ZNF827: variants seen among roughly 807,000 people sequenced by gnomAD.
ZNF827 encodes the protein zinc finger protein 827.
Under a neutral mutation model 102.4 loss-of-function variants are expected in ZNF827, and 13 were observed. The ratio of observed to expected loss-of-function variants is 0.13; its 90% CI spans 0.08 to 0.20. The LOEUF is 0.20. Ranked by LOEUF, ZNF827 falls within the 10% of genes least tolerant of loss-of-function variation. The probability of loss-of-function intolerance (pLI) is 1.00; values close to 1 mark genes in which losing one functional copy is unlikely to be tolerated. For synonymous variants in ZNF827, 523 were observed against 536.2 expected, an observed-to-expected ratio of 0.98 and a Z score of 0.34; for missense variants, 1,103 against 1,344.4, an observed-to-expected ratio of 0.82 and a Z score of 2.81.
At chr4:145,791,555 TA>T in intron 8 of ZNF827, among the ~76,000 whole-genome samples, 1 of 152,336 alleles carries the variant, frequency 6.6e-6, no homozygotes, top group African/African-American at 2.4e-5. Context: ...ATAAGTAGCA[TA>T]GTTGGCAAAT....
At chr4:145,886,180 T>A (rs774609523) in intron 3 of ZNF827, 22 bp from the exon 4 acceptor site, 8 of 1,562,524 alleles carry the variant, frequency 5.1e-6, no homozygotes, top group Admixed American at 1.9e-5. Context: ...GCAAGAAGAA[T>A]GAGCTAGCCA....
At chr4:145,920,286 A>G (rs1579572962) in intron 1 of ZNF827, among the ~76,000 whole-genome samples, 1 of 152,374 alleles carries the variant, frequency 6.6e-6, no homozygotes, top group East Asian at 1.9e-4. Flanking sequence ...TGGAATCCAG[A>G]TGCAGAATAT....
intron 1 of ZNF827, among the ~76,000 whole-genome samples, chr4:145,923,720 G>A (rs1753236059): frequency 6.6e-6 from 1 of 152,096 alleles, no homozygotes; most frequent in Non-Finnish European, 1.5e-5. Context: ...AATCTCTTTT[G>A]GAAAATATAT....
At position 145,902,135 on chromosome 4, in the gene ZNF827, T is replaced by TA. The variant is rs1751464504; in HGVS notation, c.1093+30dup. Reference sequence around the variant, plus strand: ...ATCGCAGTTTATAGTCTAAAGGACTTACACGATGATTGAAAGAAAAGATGC... The same window carrying TA: ...ATCGCAGTTTATAGTCTAAAGGACTTAACACGATGATTGAAAGAAAAGATGC... On this transcript the variant is annotated intron_variant, in intron 2 of 14. Transcript: ENST00000508784. This position sits in a 1 kb window ranked among gnomAD's most constrained non-coding sequence, Gnocchi z 4.3. 6.4e-7 allele frequency: 1 copy of TA among 1,557,152 alleles called. No individual in the cohort carries two copies. Among genetic ancestry groups the TA allele is most frequent in the Non-Finnish European group, 8.6e-7 (1 of 1,157,408 alleles).
At chr4:145,925,860 C>T (rs914517329) in intron 1 of ZNF827, among the ~76,000 whole-genome samples, 9 of 152,194 alleles carry the variant, frequency 5.9e-5, no homozygotes, top group Admixed American at 2.0e-4. Context: ...TCACCCCCAA[C>T]GGGTGGTTGA....
chr4:145,931,893 C>T (rs1467259734), intron 1 of ZNF827, among the ~76,000 whole-genome samples: 1 of 152,208 alleles, frequency 6.6e-6, no homozygotes, highest in East Asian at 1.9e-4. Context: ...CCTTGTGCTG[C>T]AGTCTGAATG....
intron 7 of ZNF827, among the ~76,000 whole-genome samples, chr4:145,840,989 T>C (rs544655204): frequency 6.6e-6 from 1 of 152,354 alleles, no homozygotes; most frequent in East Asian, 1.9e-4. Context: ...CTTTCTCTGA[T>C]TTTCCCACTT....
chr4:145,863,913 G>T (rs750477916), intron 5 of ZNF827, among the ~76,000 whole-genome samples: 13 of 152,258 alleles, frequency 8.5e-5, no homozygotes, highest in Non-Finnish European at 1.8e-4. Context: ...ATAAAGATGG[G>T]CCAGGCGCAG....
intron 2 of ZNF827, among the ~76,000 whole-genome samples, chr4:145,898,865 G>T (rs143552997): frequency 6.6e-6 from 1 of 152,294 alleles, no homozygotes; most frequent in East Asian, 1.9e-4. Context: ...AGAAATGGTG[G>T]TGTCTAAATT....
intron 7 of ZNF827, chr4:145,839,713 TG>T (rs1485710321): frequency 6.6e-6 from 1 of 152,260 alleles, no homozygotes; most frequent in African/African-American, 2.4e-5. Context: ...TTGCATAACC[TG>T]CCAAAGGCAG....
At chr4:145,775,669 G>A (rs1560905332) in intron 10 of ZNF827, 120 bp downstream of exon 10, 4 of 1,243,924 alleles carry the variant, frequency 3.2e-6, no homozygotes, top group Middle Eastern at 2.9e-4. Context: ...TTACTCAAAT[G>A]AAGGCCAGGC....
intron 1 of ZNF827, among the ~76,000 whole-genome samples, chr4:145,937,920 C>G (rs1754338950): frequency 6.6e-6 from 1 of 151,244 alleles, no homozygotes. Context: ...CCCCCGCACC[C>G]TCAGGCGCCG....
chr4:145,844,917 C>A (rs746199989), intron 7 of ZNF827, among the ~76,000 whole-genome samples: 1 of 152,158 alleles, frequency 6.6e-6, no homozygotes, highest in Admixed American at 6.5e-5. Context: ...TATCTTGTAC[C>A]TTTTGTTGCA....
At chr4:145,896,288 G>C (rs7655029) in intron 2 of ZNF827, among the ~76,000 whole-genome samples, 110 of 152,334 alleles carry the variant, frequency 7.2e-4, no homozygotes, top group African/African-American at 2.5e-3. Flanking sequence ...TTGGCCCAAC[G>C]TTGTAGTTTG....
At chr4:145,784,638 T>C (rs1397885915) in intron 8 of ZNF827, among the ~76,000 whole-genome samples, 1 of 152,224 alleles carries the variant, frequency 6.6e-6, no homozygotes, top group African/African-American at 2.4e-5. Flanking sequence ...TGAAGCATAA[T>C]ATTTGTAAAA....
At chr4:145,779,854 G>C (rs140446930) in intron 8 of ZNF827, among the ~76,000 whole-genome samples, 49 of 152,354 alleles carry the variant, frequency 3.2e-4, no homozygotes, top group Non-Finnish European at 6.6e-4. Context: ...TGAGTTGCAT[G>C]TTAAAATTCC....
At chr4:145,813,509 GAAT>G (rs59758759) in intron 8 of ZNF827, among the ~76,000 whole-genome samples, 22,066 of 152,076 alleles carry the variant, frequency 0.15, 2,374 homozygotes, top group East Asian at 0.63. Flanking sequence ...AGGGGTCCGG[GAAT>G]GTATCCCCTG....
At chr4:145,903,980 T>C (rs963667069) in intron 1 of ZNF827, among the ~76,000 whole-genome samples, 2 of 152,194 alleles carry the variant, frequency 1.3e-5, no homozygotes, top group African/African-American at 4.8e-5. Context: ...GCTTGCCATA[T>C]TATCACAGGC....
At chr4:145,777,476 G>A (rs1560908793) in intron 9 of ZNF827, among the ~76,000 whole-genome samples, 1 of 152,044 alleles carries the variant, frequency 6.6e-6, no homozygotes, top group Non-Finnish European at 1.5e-5. Flanking sequence ...TTCTCTTTGG[G>A]AACCGACTGA....
Sources: allele counts gnomAD v4.1 joint callset (sites outside exome capture counted in the v4.1 genomes callset), GRCh38; gene constraint gnomAD v4.1.1; non-coding constraint Gnocchi (gnomAD v3.1); transcripts MANE v1.5; gene names NCBI Gene and HGNC (gene_info 2026-07-23, HGNC 2026-07-21).